The following CRPPA variants were observed in gnomAD, a reference collection of about 807,000 sequenced individuals.
CRPPA encodes the protein CDP-L-ribitol pyrophosphorylase A.
A neutral mutation model predicts 52.0 loss-of-function variants in CRPPA; 43 were observed. The ratio of observed to expected loss-of-function variants is 0.83; its 90% CI spans 0.65 to 1.07. CRPPA has a LOEUF of 1.07. Ranked by LOEUF, CRPPA falls within the 50% of genes least tolerant of loss-of-function variation. The pLI is 0.00. For missense variants in CRPPA, 629 were observed against 551.7 expected (o/e 1.14, Z -1.40); for synonymous variants, 250 against 203.5 (o/e 1.23, Z -1.94).
intron 2 of CRPPA, among the ~76,000 whole-genome samples, chr7:16,402,374 T>A (rs6461251): frequency 0.41 from 62,028 of 151,966 alleles, 12,844 homozygotes; most frequent in East Asian, 0.52. Context: ...ACAAAAATCC[T>A]TGCCTCAGAA....
At chr7:16,316,195 A>G (rs536734415) in intron 3 of CRPPA, among the ~76,000 whole-genome samples, 81 of 152,258 alleles carry the variant, frequency 5.3e-4, no homozygotes, top group African/African-American at 1.9e-3. Flanking sequence ...CCTCAAGATG[A>G]TAGCTGTGCA....
At chr7:16,248,056 G>A (rs542899866) in intron 8 of CRPPA, 1 of 152,266 alleles carries the variant, frequency 6.6e-6, no homozygotes, top group Admixed American at 6.5e-5. Flanking sequence ...GTTCAAAACT[G>A]AGGGCTAAGC....
chr7:16,274,502 A>C (rs1478646491), intron 6 of CRPPA, among the ~76,000 whole-genome samples: 7 of 152,218 alleles, frequency 4.6e-5, no homozygotes, highest in Admixed American at 4.6e-4. Context: ...TCTGAGTAAA[A>C]TAACAGGACA....
intron 2 of CRPPA, among the ~76,000 whole-genome samples, chr7:16,383,803 T>G (rs1482739698): frequency 1.3e-5 from 2 of 152,238 alleles, no homozygotes; most frequent in African/African-American, 4.8e-5. Context: ...CCAAGCCATG[T>G]GCGGGATATA....
chr7:16,200,967 A>G (rs1324001880), intron 9 of CRPPA, among the ~76,000 whole-genome samples: 2 of 152,182 alleles, frequency 1.3e-5, no homozygotes, highest in African/African-American at 2.4e-5. Context: ...TTTTTTATAG[A>G]AGCATTTTTC....
At chr7:16,229,851 T>C (rs1336538355) in intron 8 of CRPPA, among the ~76,000 whole-genome samples, 1 of 152,164 alleles carries the variant, frequency 6.6e-6, no homozygotes, top group Non-Finnish European at 1.5e-5. Context: ...AGCTTTTGTT[T>C]GTCCAGGAAA....
intron 9 of CRPPA, among the ~76,000 whole-genome samples, chr7:16,169,194 C>T (rs1243081807): frequency 3.3e-5 from 5 of 152,158 alleles, no homozygotes; most frequent in Non-Finnish European, 7.4e-5. Context: ...ACCCAGCTTA[C>T]ATCTTCCTTA....
intron 8 of CRPPA, among the ~76,000 whole-genome samples, chr7:16,239,135 C>A (rs1180693027): frequency 3.2e-4 from 3 of 9,440 alleles, no homozygotes; most frequent in East Asian, 2.6e-3. Context: ...AAGACTCTGT[C>A]TCAAAAAAAA....
intron 1 of CRPPA, among the ~76,000 whole-genome samples, chr7:16,408,346 G>A (rs1030599275): frequency 6.6e-6 from 1 of 152,124 alleles, no homozygotes; most frequent in Admixed American, 6.5e-5. Context: ...GGGATGGGTG[G>A]CAGGTAAGCA....
rs35537101 is a variant in CRPPA at position 16,239,137 on chromosome 7, C to CAAAAAAAAAAAAA, written c.1119+19240_1119+19252dup. ...TGAGCCACAGAGCAAGACTCTGTCT[C>CAAAAAAAAAAAAA]AAAAAAAAAAAAAAAAAAAAGCCAT... On this transcript the variant is annotated intron_variant, in intron 8 of 9. Coordinates refer to ENST00000407010, the MANE Select transcript of CRPPA (RefSeq NM_001101426.4). Among the ~76,000 whole-genome samples the CAAAAAAAAAAAAA allele has an allele frequency of 1.2e-3, 110 of 88,492 alleles. 2 individuals carry two copies. The highest frequency in any genetic ancestry group is 3.3e-3 in the East Asian group (9 of 2,762). The allele number at this position is 88,492 out of a possible 152,430, so 58.1% of individuals were successfully genotyped here. A position where few individuals can be genotyped will look rare whatever the true frequency, so the allele number is the denominator to read the frequency against.
At chr7:16,403,523 G>A (rs937652201) in intron 2 of CRPPA, among the ~76,000 whole-genome samples, 2 of 152,008 alleles carry the variant, frequency 1.3e-5, no homozygotes, top group Non-Finnish European at 2.9e-5. Context: ...GGACCTTTAG[G>A]TAGAACCTGA....
intron 8 of CRPPA, among the ~76,000 whole-genome samples, chr7:16,256,235 C>T (rs898233819): frequency 1.3e-5 from 2 of 152,262 alleles, no homozygotes; most frequent in Admixed American, 6.5e-5. Context: ...CAATGAGATA[C>T]CATCTCACAC....
At chr7:16,221,559 T>C (rs2128400297) in intron 8 of CRPPA, among the ~76,000 whole-genome samples, 1 of 152,190 alleles carries the variant, frequency 6.6e-6, no homozygotes, top group South Asian at 2.1e-4. Context: ...GACAAAGGGC[T>C]AATATCCAGA....
intron 8 of CRPPA, among the ~76,000 whole-genome samples, chr7:16,241,970 T>TTTTTTTTTTTTTTTTTTTG (rs1241010922): frequency 4.8e-5 from 5 of 104,892 alleles, no homozygotes; most frequent in Admixed American, 1.2e-4. Flanking sequence ...TTTTTTTTTG[T>TTTTTTTTTTTTTTTTTTTG]TGGGGGGAGA....
At chr7:16,252,513 T>C (rs1027435608) in intron 8 of CRPPA, among the ~76,000 whole-genome samples, 1 of 152,130 alleles carries the variant, frequency 6.6e-6, no homozygotes, top group African/African-American at 2.4e-5. Context: ...TTGCCAGTAT[T>C]TTATTGAGGA....
At chr7:16,398,841 G>A (rs1296993929) in intron 2 of CRPPA, among the ~76,000 whole-genome samples, 2 of 151,984 alleles carry the variant, frequency 1.3e-5, no homozygotes, top group Non-Finnish European at 2.9e-5. Flanking sequence ...CGTGACTGAC[G>A]CGATTTACGT....
chr7:16,191,692 G>A (rs1309140549), intron 9 of CRPPA, among the ~76,000 whole-genome samples: 1 of 152,060 alleles, frequency 6.6e-6, no homozygotes, highest in Non-Finnish European at 1.5e-5. Flanking sequence ...TTAGTGAAAT[G>A]TGCTACCCCA....
At chr7:16,128,156 C>G (rs941455729) in intron 9 of CRPPA, among the ~76,000 whole-genome samples, 3 of 152,092 alleles carry the variant, frequency 2.0e-5, no homozygotes, top group African/African-American at 7.2e-5. Context: ...CCAGGAAGAA[C>G]TGAATGTATA....
At chr7:16,249,451 G>A (rs1480932343) in intron 8 of CRPPA, among the ~76,000 whole-genome samples, 1 of 152,176 alleles carries the variant, frequency 6.6e-6, no homozygotes, top group East Asian at 1.9e-4. Context: ...CTCCCAGTAG[G>A]GGCTGATGGA....
Sources: allele counts gnomAD v4.1 joint callset (sites outside exome capture counted in the v4.1 genomes callset), GRCh38; gene constraint gnomAD v4.1.1; transcripts MANE v1.5; gene names NCBI Gene and HGNC (gene_info 2026-07-23, HGNC 2026-07-21).